Variants in DIAPH1 observed in about 807,000 individuals in gnomAD.
DIAPH1 encodes diaphanous related formin 1, also known as protein diaphanous homolog 1.
In DIAPH1, 46 loss-of-function variants were observed where a neutral mutation model predicts 140.7. The observed-to-expected ratio is 0.33, with a 90% CI of 0.26 to 0.42. The LOEUF is 0.42. Ranked by LOEUF, DIAPH1 falls within the 10% of genes least tolerant of loss-of-function variation. DIAPH1 has a pLI of 1.00. For missense variants in DIAPH1, 1,310 were observed against 1,558.7 expected (o/e 0.84, Z 2.69); for synonymous variants, 565 against 551.6 (o/e 1.02, Z -0.34).
Position 141,520,863 on chromosome 5 carries a change from T to C in DIAPH1, c.3661+3280A>G, listed in dbSNP as rs1178605215. Among the ~76,000 whole-genome samples, 4 of 152,178 alleles carry C rather than the reference T, an allele frequency of 2.6e-5. No individual in the cohort carries two copies. In the East Asian group the frequency reaches 7.7e-4, roughly 29 times the overall value. On this transcript the variant is annotated intron_variant, in intron 27 of 27. Coordinates refer to ENST00000389054, the MANE Select transcript of DIAPH1 (RefSeq NM_005219.5). Reference sequence around the variant, plus strand: ...CACAAAAGTGGGCTACAGTGCTCTGTCATTAGCCATGTAGACCTGGGCAAG... The same window carrying C: ...CACAAAAGTGGGCTACAGTGCTCTGCCATTAGCCATGTAGACCTGGGCAAG...
intron 17 of DIAPH1, 122 bp from the exon 18 acceptor site, chr5:141,571,558 A>C: frequency 1.2e-6 from 1 of 850,444 alleles, no homozygotes; most frequent in Non-Finnish European, 1.9e-6. Context: ...CAAACTGTTA[A>C]AGACTCTTTC....
intron 4 of DIAPH1, 137 bp from the exon 5 acceptor site, chr5:141,583,752 GC>G (rs2099897118): frequency 4.8e-6 from 6 of 1,250,098 alleles, no homozygotes; most frequent in Non-Finnish European, 5.6e-6. Flanking sequence ...CGTTGCCCAG[GC>G]TGATTTCAAA....
At chr5:141,576,634 G>T in intron 13 of DIAPH1, 122 bp downstream of exon 13, 1 of 772,928 alleles carries the variant, frequency 1.3e-6, no homozygotes, top group Non-Finnish European at 2.3e-6. Flanking sequence ...ACCTAAGAAA[G>T]GACAAAAATA....
Position 141,570,536 on chromosome 5 carries a change from G to C in DIAPH1, c.2482+892C>G, listed in dbSNP as rs143805109. On this transcript the variant is annotated intron_variant, in intron 18 of 27. Coordinates refer to ENST00000389054, the MANE Select transcript of DIAPH1 (RefSeq NM_005219.5). ...ACATATGTAACTAGGGGCCACCAAG[G>C]CACCTCACAATCTGTTAGACTCCTT... Among the ~76,000 whole-genome samples, 579 of 152,080 alleles carry C rather than the reference G, an allele frequency of 3.8e-3. 5 individuals carry two copies. Among genetic ancestry groups the C allele is most frequent in the Admixed American group, 0.011 (167 of 15,278 alleles).
At chr5:141,523,471 C>A (rs1382367978) in intron 27 of DIAPH1, among the ~76,000 whole-genome samples, 1 of 152,132 alleles carries the variant, frequency 6.6e-6, no homozygotes, top group African/African-American at 2.4e-5. Context: ...GATCACTTGT[C>A]CTAGCTCCAT....
At chr5:141,560,957 A>G (rs995075857) in intron 18 of DIAPH1, 2 of 454,898 alleles carry the variant, frequency 4.4e-6, no homozygotes, top group Non-Finnish European at 4.4e-6. Flanking sequence ...AGGGGTGGAG[A>G]TGGGAGGACC....
At chr5:141,520,182 A>G (rs1171709153) in intron 27 of DIAPH1, among the ~76,000 whole-genome samples, 1 of 152,256 alleles carries the variant, frequency 6.6e-6, no homozygotes, top group Admixed American at 6.5e-5. Flanking sequence ...GGCAATCATC[A>G]TCACACTAAA....
chr5:141,552,582 C>A (rs1263109741), intron 18 of DIAPH1, among the ~76,000 whole-genome samples: 1 of 152,130 alleles, frequency 6.6e-6, no homozygotes, highest in African/African-American at 2.4e-5. Flanking sequence ...GCCAACATTT[C>A]GATTTTAGAA....
At chr5:141,566,399 G>T (rs2099894379) in intron 18 of DIAPH1, among the ~76,000 whole-genome samples, 1 of 152,284 alleles carries the variant, frequency 6.6e-6, no homozygotes, top group Admixed American at 6.5e-5. Context: ...GAGAAATGAG[G>T]AGTAACACGG....
At chr5:141,523,483 A>C (rs904644705) in intron 27 of DIAPH1, among the ~76,000 whole-genome samples, 1 of 152,164 alleles carries the variant, frequency 6.6e-6, no homozygotes, top group Non-Finnish European at 1.5e-5. Flanking sequence ...TAGCTCCATA[A>C]TTCTTTTTAG....
intron 27 of DIAPH1, among the ~76,000 whole-genome samples, chr5:141,522,309 C>T (rs1452295500): frequency 6.6e-6 from 1 of 152,198 alleles, no homozygotes; most frequent in Non-Finnish European, 1.5e-5. Context: ...TCCTCCTATT[C>T]CCTCTTGCAT....
At chr5:141,557,193 TAAAG>T (rs1169071897) in intron 18 of DIAPH1, among the ~76,000 whole-genome samples, 1 of 152,244 alleles carries the variant, frequency 6.6e-6, no homozygotes, top group East Asian at 1.9e-4. Flanking sequence ...TATCTGATGA[TAAAG>T]AATTTTTTAA....
rs2154594827 is a variant in DIAPH1, at chr5:141,518,773, T to C, written c.3662-1765A>G. On this transcript the variant is annotated intron_variant, in intron 27 of 27. Transcript: ENST00000389054. ...CCTGGGCTCAAGCAATCCTCCCACCTTGGAACCTAAAGTTCTGGGATTACA... is the reference window on the plus strand; with the variant it reads ...CCTGGGCTCAAGCAATCCTCCCACCCTGGAACCTAAAGTTCTGGGATTACA... The C allele has an allele frequency of 7.4e-6, 5 of 676,976 alleles. No individual in the cohort carries two copies. In the South Asian group the frequency reaches 8.8e-5, roughly 12 times the overall value. 41.9% of individuals were successfully genotyped at this position (676,976 alleles called of 1,614,324 possible).
At chr5:141,566,693 G>A (rs868683851) in intron 18 of DIAPH1, among the ~76,000 whole-genome samples, 2 of 152,076 alleles carry the variant, frequency 1.3e-5, no homozygotes, top group Non-Finnish European at 2.9e-5. Flanking sequence ...TGAGGAGTTC[G>A]AGAGCAGCCT....
intron 5 of DIAPH1, 66 bp downstream of exon 5, chr5:141,583,419 C>T: frequency 6.2e-7 from 1 of 1,613,134 alleles, no homozygotes; most frequent in Non-Finnish European, 8.5e-7. Flanking sequence ...CTCCTTTGAT[C>T]TTCAATCACC....
At chr5:141,607,418 T>C (rs2099901146) in intron 1 of DIAPH1, among the ~76,000 whole-genome samples, 1 of 152,202 alleles carries the variant, frequency 6.6e-6, no homozygotes, top group Non-Finnish European at 1.5e-5. Flanking sequence ...TCAAATAAAC[T>C]TAACTTTTTA....
intron 21 of DIAPH1, 80 bp from the exon 22 acceptor site, chr5:141,529,021 G>C (rs752856935): frequency 4.0e-4 from 649 of 1,603,668 alleles, no homozygotes; most frequent in Non-Finnish European, 5.3e-4. Context: ...GCCTCCTATG[G>C]GAGGATCACA....
At chr5:141,572,078 G>A (rs1233787169) in intron 16 of DIAPH1, 38 bp from the exon 17 acceptor site, 2 of 1,437,756 alleles carry the variant, frequency 1.4e-6, no homozygotes, top group African/African-American at 1.4e-5. Context: ...TTAGTAAACT[G>A]AGCCCTGTAC....
intron 8 of DIAPH1, 80 bp downstream of exon 8, chr5:141,580,664 C>G: frequency 6.9e-6 from 10 of 1,457,478 alleles, no homozygotes; most frequent in East Asian, 4.5e-5. Flanking sequence ...AGAGGACACC[C>G]AACCAACTCA....
Sources: allele counts gnomAD v4.1 joint callset (sites outside exome capture counted in the v4.1 genomes callset), GRCh38; gene constraint gnomAD v4.1.1; transcripts MANE v1.5; gene names NCBI Gene and HGNC (gene_info 2026-07-23, HGNC 2026-07-21).